ERCC2: variants seen among roughly 807,000 people sequenced by gnomAD.
The protein encoded by ERCC2 is ERCC excision repair 2, TFIIH core complex helicase subunit.
A neutral mutation model predicts 99.4 loss-of-function variants in ERCC2; 90 were observed. The ratio of observed to expected loss-of-function variants is 0.91; its 90% CI spans 0.76 to 1.08. The LOEUF (loss-of-function observed/expected upper bound fraction) is 1.08, where lower values mean the gene tolerates loss of function less well. Ranked by LOEUF, ERCC2 falls within the 50% of genes least tolerant of loss-of-function variation. The pLI is 0.00. For synonymous variants in ERCC2, 497 were observed against 432.4 expected (o/e 1.15, Z -1.85); for missense variants, 993 against 1,038.1 (o/e 0.96, Z 0.60).
At position 45,351,396 on chromosome 19, in the gene ERCC2, A is replaced by G. The variant is rs753595383; in HGVS notation, c.*233T>C. The G allele has an allele frequency of 3.7e-6, 6 of 1,601,442 alleles. No individual in the cohort carries two copies. The South Asian group carries it at 6.6e-5, about 18-fold the overall frequency. ...GCGCTGGCCGCAGCTTCTTGGGAAC[A>G]GTGCAGGAGGGATGGGCTGGTGGGG... On this transcript the variant is annotated 3_prime_UTR_variant, in exon 23 of 23. Coordinates refer to ENST00000391945, the MANE Select transcript of ERCC2 (RefSeq NM_000400.4).
In ERCC2 at chr19:45,363,814, C is replaced by G. The variant is rs1972313731; in HGVS notation, c.1047G>C (p.Val349=). 1 of 1,541,134 alleles carries G rather than the reference C, an allele frequency of 6.5e-7. No individual in the cohort carries two copies. Residue 349 remains valine (V), a synonymous_variant, in exon 11 of 23, where the codon GTG becomes GTC. Transcript: ENST00000391945. ...YVKWRLRVQH[V]VQESPPAFLS... ...GGAAGGCGGGCGGGCTCTCCTGCAC[C>G]ACATGCTGCACACGCAGCCGCCACT...
chr19:45,361,718 C>T (rs750267293), intron 11 of ERCC2, 76 bp from the exon 12 acceptor site: 20 of 1,078,570 alleles, frequency 1.9e-5, no homozygotes, highest in Middle Eastern at 2.0e-4. Flanking sequence ...TCCGCCATCA[C>T]GACGGTCACG....
chr19:45,360,381 CTTTT>C (rs57458623), intron 12 of ERCC2, among the ~76,000 whole-genome samples: 3 of 134,572 alleles, frequency 2.2e-5, no homozygotes, highest in Admixed American at 7.5e-5. Context: ...CACGCCCGGC[CTTTT>C]TTTTTTTTTT....
intron 7 of ERCC2, 145 bp from the exon 8 acceptor site, chr19:45,364,692 G>A: frequency 7.4e-7 from 1 of 1,356,764 alleles, no homozygotes; most frequent in Non-Finnish European, 1.0e-6. Context: ...GATAGAGACA[G>A]ACCAACAGAT....
intron 4 of ERCC2, 82 bp from the exon 5 acceptor site, chr19:45,368,825 C>A (rs1972513160): frequency 1.3e-6 from 2 of 1,563,224 alleles, no homozygotes; most frequent in South Asian, 2.2e-5. Context: ...AGTCTCTTCC[C>A]CAGCTTCCCA....
chr19:45,353,059 G>A, intron 19 of ERCC2, 24 bp downstream of exon 19: 1 of 1,607,348 alleles, frequency 6.2e-7, no homozygotes, highest in Non-Finnish European at 8.5e-7. Context: ...AGACACCTGG[G>A]GAGGAAGAGC....
intron 11 of ERCC2, chr19:45,361,915 TA>T (rs1335823716): frequency 2.2e-6 from 1 of 453,698 alleles, no homozygotes; most frequent in African/African-American, 2.0e-5. Flanking sequence ...CACGACCTCC[TA>T]AGTGGGTTCT....
intron 15 of ERCC2, among the ~76,000 whole-genome samples, chr19:45,356,946 G>A (rs566122646): frequency 5.3e-5 from 8 of 152,310 alleles, no homozygotes; most frequent in South Asian, 2.1e-4. Flanking sequence ...CCACGTACTC[G>A]GCAAGATGCT....
chr19:45,366,891 A>T (rs3916808), intron 5 of ERCC2, among the ~76,000 whole-genome samples: 1 of 151,914 alleles, frequency 6.6e-6, no homozygotes, highest in African/African-American at 2.4e-5. Flanking sequence ...AAAAACTAGC[A>T]GGGCGTGGTG....
At chr19:45,354,375 C>G (rs867366555) in intron 17 of ERCC2, among the ~76,000 whole-genome samples, 2 of 152,228 alleles carry the variant, frequency 1.3e-5, no homozygotes, top group Non-Finnish European at 2.9e-5. Flanking sequence ...GCTAGAGCCA[C>G]GCCTGCTATC....
chr19:45,369,922 C>T (rs572087471), intron 2 of ERCC2, among the ~76,000 whole-genome samples: 85 of 152,326 alleles, frequency 5.6e-4, no homozygotes, highest in Non-Finnish European at 9.1e-4. Context: ...GTGATCCGCC[C>T]GCCTCGTCCT....
At chr19:45,355,527 T>C (rs559055510) in intron 16 of ERCC2, 138 bp downstream of exon 16, 3 of 826,666 alleles carry the variant, frequency 3.6e-6, no homozygotes, top group East Asian at 5.1e-5. Flanking sequence ...ACAGTGGACG[T>C]GTACCACGGG....
At position 45,352,223 on chromosome 19, in the gene ERCC2, G is replaced by A. The variant is rs121913017; in HGVS notation, c.2176C>T (p.Gln726Ter). ...GCAGGCCTCACCCGGTGGAAGGGCT[G>A]TGCCATCTGCCGCAGGAAGTACTTG... ...VAKYFLRQMA[Q>*]PFHREDQLGL... Residue 726 changes from glutamine to a stop codon, truncating the protein, a stop_gained, in exon 22 of 23, where the codon CAG (glutamine) becomes TAG (stop). Transcript: ENST00000391945. LOFTEE classifies it high-confidence loss of function. 2 of 1,613,984 alleles carry A rather than the reference G, an allele frequency of 1.2e-6. No homozygotes were observed. Among genetic ancestry groups the A allele is most frequent in the South Asian group, 1.1e-5 (1 of 91,072 alleles).
Position 45,352,262 on chromosome 19 carries a change from C to G in ERCC2, c.2137G>C (p.Gly713Arg), listed in dbSNP as rs121913022. The G allele has an allele frequency of 1.1e-5, 18 of 1,613,954 alleles. No homozygotes were observed. The highest frequency in any genetic ancestry group is 1.5e-5 in the Non-Finnish European group (18 of 1,180,000). Residue 713 changes from glycine (G) to arginine (R), a missense_variant, in exon 22 of 23, where the codon GGT becomes CGT. Physicochemically the swap from Gly to Arg is moderately radical, Grantham distance 125. This residue lies in a region of ERCC2 where 909 missense variants were observed against 930.8 expected (regional missense o/e 0.98). Coordinates refer to ENST00000391945, the MANE Select transcript of ERCC2 (RefSeq NM_000400.4). The part of the protein sequence containing the change: ...DANLNLTVDE[G>R]VQVAKYFLRQ... Reference sequence around the variant, plus strand: ...AGGAAGTACTTGGCCACCTGGACACCCTCGTCCACGGTCAGGTTGAGGTTG... The same window carrying G: ...AGGAAGTACTTGGCCACCTGGACACGCTCGTCCACGGTCAGGTTGAGGTTG...
rs541311242 is a variant in ERCC2, at chr19:45,357,378, C to A, written c.1378-7G>T. On this transcript the variant is annotated splice_polypyrimidine_tract_variant and splice_region_variant and intron_variant, in intron 14 of 22. Transcript: ENST00000391945. Reference sequence around the variant, plus strand: ...TGTCCAGCGGGGACAGTGTCTGTGGCGGGACAGTGGGAGGGATCTCAGCAG... The same window carrying A: ...TGTCCAGCGGGGACAGTGTCTGTGGAGGGACAGTGGGAGGGATCTCAGCAG... 3 of 1,612,832 alleles carry A rather than the reference C, an allele frequency of 1.9e-6. No individual in the cohort carries two copies. Among genetic ancestry groups the A allele is most frequent in the Non-Finnish European group, 2.5e-6 (3 of 1,178,878 alleles).
At chr19:45,360,575 A>C (rs1268031960) in intron 12 of ERCC2, among the ~76,000 whole-genome samples, 1 of 151,402 alleles carries the variant, frequency 6.6e-6, no homozygotes, top group Non-Finnish European at 1.5e-5. Context: ...ACAGGGTTTC[A>C]CCATGTTGGT....
At chr19:45,360,171 C>T (rs1972166136) in intron 12 of ERCC2, among the ~76,000 whole-genome samples, 1 of 151,322 alleles carries the variant, frequency 6.6e-6, no homozygotes, top group Non-Finnish European at 1.5e-5. Context: ...AGCTCTGCCT[C>T]CTGGGTTCAC....
rs768889397 is a variant in ERCC2 at position 45,350,797 on chromosome 19, A to C, written c.*832T>G. 5.5e-6 allele frequency: 8 copies of C among 1,452,404 alleles called. No homozygotes were observed. The highest frequency in any genetic ancestry group is 1.4e-5 in the African/African-American group (1 of 71,780). The allele number at this position is 1,452,404 out of a possible 1,614,324, so 90.0% of individuals were successfully genotyped here. ...GAGCCCTGACATCAGCAGAATCCAC[A>C]GCCCACCCCACCCCCACCCCCATCT... On this transcript the variant is annotated 3_prime_UTR_variant, in exon 23 of 23. Transcript: ENST00000391945.
rs1599717035 is a variant in ERCC2, at chr19:45,350,558, A to G, written c.*1071T>C. 6.2e-7 allele frequency: 1 copy of G among 1,613,544 alleles called. No homozygotes were observed. Among genetic ancestry groups the G allele is most frequent in the Non-Finnish European group, 8.5e-7 (1 of 1,179,908 alleles). On this transcript the variant is annotated 3_prime_UTR_variant, in exon 23 of 23. Transcript: ENST00000391945. ...AGCTGGTGACGCAGAACAGGTGAGGATGGGCTGTGCTTCGGCTCCTGGGGT... is the reference window on the plus strand; with the variant it reads ...AGCTGGTGACGCAGAACAGGTGAGGGTGGGCTGTGCTTCGGCTCCTGGGGT...
Sources: allele counts gnomAD v4.1 joint callset (sites outside exome capture counted in the v4.1 genomes callset), GRCh38; gene constraint gnomAD v4.1.1; regional missense constraint gnomAD v4.1.1; transcripts MANE v1.5; gene names NCBI Gene and HGNC (gene_info 2026-07-23, HGNC 2026-07-21).